Variants in KDM4C observed in about 807,000 individuals in gnomAD.
The protein encoded by KDM4C is lysine demethylase 4C.
A neutral mutation model predicts 129.3 loss-of-function variants in KDM4C; 81 were observed. The observed-to-expected ratio is 0.63, with a 90% CI of 0.52 to 0.75. The LOEUF (loss-of-function observed/expected upper bound fraction) is 0.75, where lower values mean the gene tolerates loss of function less well. Ranked by LOEUF, KDM4C falls within the 30% of genes least tolerant of loss-of-function variation. The probability of loss-of-function intolerance (pLI) is 0.00; values close to 1 mark genes in which losing one functional copy is unlikely to be tolerated. For missense variants in KDM4C, 1,457 were observed against 1,304.0 expected, an observed-to-expected ratio of 1.12 and a Z score of -1.81; for synonymous variants, 573 against 456.1, an observed-to-expected ratio of 1.26 and a Z score of -3.26.
chr9:7,046,915 T>G lies in KDM4C; in HGVS notation c.2313T>G (p.Asn771Lys). 6.4e-7 allele frequency: 1 copy of G among 1,571,450 alleles called. No individual in the cohort carries two copies. Among genetic ancestry groups the G allele is most frequent in the Non-Finnish European group, 8.8e-7 (1 of 1,141,978 alleles). The change falls in exon 16 of 22, where the codon AAT becomes AAG. Residue 771 changes from asparagine (N) to lysine (K), a missense_variant and splice_region_variant. Transcript: ENST00000381309. ...RGGALKQTKN[N>K]KWAHVMCAVA... is the part of the protein sequence containing the mutation. ...GTGCTCTTAAGCAAACGAAGAACAA[T>G]AAGTAAGTAATACATTAATTGTGTT...
rs574851054 is a variant in KDM4C, at chr9:6,945,214, T to G, written c.922-35711T>G. Among the ~76,000 whole-genome samples the G allele has an allele frequency of 9.3e-4, 142 of 152,292 alleles. 1 individual carries two copies. The South Asian group carries it at 0.016, about 17-fold the overall frequency. On this transcript the variant is annotated intron_variant, in intron 8 of 21. Transcript: ENST00000381309. ...CAAGGAAGCTTGTTTTCTCTCTCAT[T>G]TTTTCCTTGTTAGTCAATTGATCTT...
intron 18 of KDM4C, among the ~76,000 whole-genome samples, chr9:7,121,056 C>A (rs554569371): frequency 6.6e-6 from 1 of 152,146 alleles, no homozygotes; most frequent in African/African-American, 2.4e-5. Context: ...ACATCACTAA[C>A]ATTTTAGTAT....
At chr9:7,098,631 G>A (rs956556786) in intron 17 of KDM4C, among the ~76,000 whole-genome samples, 3 of 152,132 alleles carry the variant, frequency 2.0e-5, no homozygotes, top group Non-Finnish European at 2.9e-5. Flanking sequence ...GTGCACTGGG[G>A]ACTTTGCTTT....
In KDM4C at chr9:7,019,366, G is replaced by C. The variant is rs143747931; in HGVS notation, c.2259+3437G>C. On this transcript the variant is annotated intron_variant, in intron 15 of 21. Transcript: ENST00000381309. ...ATAAAGGGCTCTAAAGGAGCTCATG[G>C]AAATCAAATAGTGCAGCTGAAGTCA... is the stretch of plus-strand genomic sequence containing the variant. 2.5e-3 allele frequency among the ~76,000 whole-genome samples: 379 copies of C among 152,216 alleles called. 1 individual carries two copies. The highest frequency in any genetic ancestry group is 6.3e-3 in the Admixed American group (96 of 15,280).
chr9:6,843,160 C>G (rs1316957884), intron 4 of KDM4C, among the ~76,000 whole-genome samples: 1 of 152,148 alleles, frequency 6.6e-6, no homozygotes, highest in African/African-American at 2.4e-5. Flanking sequence ...AACTCCTGAC[C>G]TCAGGTGATC....
intron 1 of KDM4C, among the ~76,000 whole-genome samples, chr9:6,767,899 C>CTT (rs562071096): frequency 6.8e-6 from 1 of 147,962 alleles, no homozygotes; most frequent in Admixed American, 6.8e-5. Flanking sequence ...AATCATTTTC[C>CTT]TTTTTTTTTT....
At chr9:6,956,329 T>C (rs1829061957) in intron 8 of KDM4C, among the ~76,000 whole-genome samples, 1 of 152,178 alleles carries the variant, frequency 6.6e-6, no homozygotes, top group Non-Finnish European at 1.5e-5. Flanking sequence ...TTATTTCACA[T>C]TGCATGCTTG....
intron 1 of KDM4C, among the ~76,000 whole-genome samples, chr9:6,724,301 G>A (rs776582263): frequency 6.6e-6 from 1 of 152,100 alleles, no homozygotes; most frequent in African/African-American, 2.4e-5. Context: ...ACCGCTGCCT[G>A]GTATACTCCA....
In KDM4C at chr9:7,138,458, G is replaced by A. The variant is rs138112995; in HGVS notation, c.2781+10222G>A. On this transcript the variant is annotated intron_variant, in intron 19 of 21. Transcript: ENST00000381309. ...TATGTTGAATAATGTTATATGCATA[G>A]TTTTCAGATCAAAGTAGATTTTTCC... Among the ~76,000 whole-genome samples the A allele has an allele frequency of 2.4e-3, 362 of 152,274 alleles. 4 individuals are homozygous for A. The highest frequency in any genetic ancestry group is 8.2e-3 in the African/African-American group (342 of 41,550).
intron 17 of KDM4C, among the ~76,000 whole-genome samples, chr9:7,067,850 C>A (rs1023163220): frequency 6.6e-6 from 1 of 151,912 alleles, no homozygotes; most frequent in Non-Finnish European, 1.5e-5. Context: ...GGATGGAGTG[C>A]AGTGGTGCGA....
At chr9:6,807,099 G>A (rs1272640106) in intron 3 of KDM4C, among the ~76,000 whole-genome samples, 2 of 151,980 alleles carry the variant, frequency 1.3e-5, no homozygotes, top group South Asian at 2.1e-4. Flanking sequence ...TGTGTTGGCC[G>A]GGCCGGTCTC....
intron 8 of KDM4C, among the ~76,000 whole-genome samples, chr9:6,970,360 T>G (rs568330832): frequency 6.6e-6 from 1 of 152,382 alleles, no homozygotes; most frequent in South Asian, 2.1e-4. Context: ...CCTTGGTCAC[T>G]GTAATTGTAC....
chr9:6,781,067 C>T (rs748822899), intron 1 of KDM4C, among the ~76,000 whole-genome samples: 2 of 152,118 alleles, frequency 1.3e-5, no homozygotes. Flanking sequence ...ATTGTCTCTG[C>T]TCTCTAGTTC....
intron 1 of KDM4C, among the ~76,000 whole-genome samples, chr9:6,752,100 G>A (rs1337752936): frequency 6.7e-6 from 1 of 150,316 alleles, no homozygotes; most frequent in African/African-American, 2.5e-5. Flanking sequence ...TTGGGAGGCC[G>A]AGACGGGCGG....
intron 17 of KDM4C, among the ~76,000 whole-genome samples, chr9:7,101,408 G>A (rs1356836567): frequency 6.6e-6 from 1 of 152,210 alleles, no homozygotes; most frequent in Non-Finnish European, 1.5e-5. Context: ...CTGTCTTACA[G>A]GATGCATTCG....
intron 8 of KDM4C, chr9:6,978,655 A>G (rs1382102341): frequency 6.6e-6 from 1 of 152,228 alleles, no homozygotes; most frequent in East Asian, 1.9e-4. Flanking sequence ...GCTGGTATAA[A>G]AGTCTCAAAA....
chr9:6,770,802 ATC>A (rs1425214119), intron 1 of KDM4C, among the ~76,000 whole-genome samples: 2 of 127,260 alleles, frequency 1.6e-5, no homozygotes, highest in Non-Finnish European at 3.1e-5. Context: ...TTGAGATGGA[ATC>A]TCGCTCTGTC....
upstream of KDM4C, among the ~76,000 whole-genome samples, chr9:6,756,633 C>G (rs1818303579): frequency 6.6e-6 from 1 of 152,230 alleles, no homozygotes; most frequent in Non-Finnish European, 1.5e-5. Context: ...AGGAGAATCT[C>G]TCGAACCCGT....
At chr9:7,123,961 C>T (rs139545457) in intron 18 of KDM4C, among the ~76,000 whole-genome samples, 254 of 152,286 alleles carry the variant, frequency 1.7e-3, no homozygotes, top group Admixed American at 1.2e-3. Flanking sequence ...AAGTGGTTGA[C>T]TCACCTGAGC....
Sources: allele counts gnomAD v4.1 joint callset (sites outside exome capture counted in the v4.1 genomes callset), GRCh38; gene constraint gnomAD v4.1.1; transcripts MANE v1.5; gene names NCBI Gene and HGNC (gene_info 2026-07-23, HGNC 2026-07-21).